Variants in DAPK1 observed in about 807,000 individuals in gnomAD.
The protein encoded by DAPK1 is death-associated protein kinase 1.
Under a neutral mutation model 144.9 loss-of-function variants are expected in DAPK1, and 56 were observed. That is an observed-to-expected ratio of 0.39 (90% CI 0.31 to 0.48). The LOEUF (loss-of-function observed/expected upper bound fraction) is 0.48, where lower values mean the gene tolerates loss of function less well. Ranked by LOEUF, DAPK1 falls within the 20% of genes least tolerant of loss-of-function variation. The pLI, the probability that DAPK1 is intolerant of heterozygous loss-of-function variation, is 0.95. For missense variants in DAPK1, 1,454 were observed against 1,875.4 expected, an observed-to-expected ratio of 0.78 and a Z score of 4.15; for synonymous variants, 690 against 749.0, an observed-to-expected ratio of 0.92 and a Z score of 1.29.
intron 18 of DAPK1, chr9:87,667,967 A>G (rs1831116774): frequency 6.5e-6 from 1 of 153,116 alleles, no homozygotes; most frequent in Non-Finnish European, 1.5e-5. Context: ...GTGTATGTTC[A>G]TGGTGTAGAT....
At chr9:87,673,254 C>T (rs916013003) in intron 19 of DAPK1, among the ~76,000 whole-genome samples, 29 of 152,300 alleles carry the variant, frequency 1.9e-4, no homozygotes, top group African/African-American at 6.3e-4. Context: ...TGATCCAAAG[C>T]GCTGTCCTGG....
intron 2 of DAPK1, among the ~76,000 whole-genome samples, chr9:87,544,507 T>C (rs1465622369): frequency 6.6e-6 from 1 of 152,248 alleles, no homozygotes; most frequent in Non-Finnish European, 1.5e-5. Flanking sequence ...CTTGTGTACA[T>C]TAATGTATGT....
chr9:87,640,952 G>T, intron 9 of DAPK1, 105 bp downstream of exon 9: 5 of 1,097,500 alleles, frequency 4.6e-6, no homozygotes, highest in Non-Finnish European at 7.0e-6. Flanking sequence ...GGTCACACCT[G>T]GAGTGTTAAG....
intron 20 of DAPK1, 101 bp downstream of exon 20, chr9:87,681,727 T>A: frequency 1.4e-6 from 1 of 724,052 alleles, no homozygotes; most frequent in Non-Finnish European, 2.5e-6. Flanking sequence ...TTGGGTCACT[T>A]GGCCTATACT....
At chr9:87,540,881 C>T (rs372202764) in intron 2 of DAPK1, among the ~76,000 whole-genome samples, 3 of 152,268 alleles carry the variant, frequency 2.0e-5, no homozygotes, top group African/African-American at 7.2e-5. Context: ...CCAACTCACA[C>T]CAAACTGTTT....
intron 20 of DAPK1, among the ~76,000 whole-genome samples, chr9:87,684,605 A>T (rs1423284781): frequency 6.6e-6 from 1 of 151,564 alleles, no homozygotes; most frequent in Non-Finnish European, 1.5e-5. Context: ...GGGGACACTG[A>T]GGGTTGTGGC....
chr9:87,539,774 G>T (rs192288351), intron 2 of DAPK1, among the ~76,000 whole-genome samples: 132 of 152,152 alleles, frequency 8.7e-4, no homozygotes, highest in African/African-American at 3.0e-3. Context: ...CATACCATCC[G>T]AGAGTAGAAG....
chr9:87,562,140 G>A (rs987677992), intron 2 of DAPK1, among the ~76,000 whole-genome samples: 1 of 152,212 alleles, frequency 6.6e-6, no homozygotes, highest in African/African-American at 2.4e-5. Flanking sequence ...CTGCAGTTCT[G>A]TATCTACCTG....
chr9:87,546,181 G>C (rs970586273), intron 2 of DAPK1, among the ~76,000 whole-genome samples: 1 of 152,134 alleles, frequency 6.6e-6, no homozygotes, highest in African/African-American at 2.4e-5. Context: ...GAAGCTTACA[G>C]ATCTGGGAGA....
rs377592455 is a variant in DAPK1 at position 87,707,310 on chromosome 9, G to C, written c.4239G>C (p.Ser1413=). 1.2e-6 allele frequency: 2 copies of C among 1,612,522 alleles called. No homozygotes were observed. Among genetic ancestry groups the C allele is most frequent in the Admixed American group, 3.3e-5 (2 of 59,954 alleles). The change falls in exon 26 of 26, where the codon TCG becomes TCC. Residue 1413 remains serine, a synonymous_variant. Coordinates refer to ENST00000408954, the MANE Select transcript of DAPK1 (RefSeq NM_004938.4). The surrounding 1 kb of genome is among the most constrained non-coding windows in gnomAD (Gnocchi z 4.0). ...LDGNGQEAYA[S]SCNSGTSYNS... Reference sequence around the variant, plus strand: ...GCAATGGCCAGGAGGCCTATGCCTCGAGCTGCAACAGCGGCACCTCTTACA... The same window carrying C: ...GCAATGGCCAGGAGGCCTATGCCTCCAGCTGCAACAGCGGCACCTCTTACA...
intron 2 of DAPK1, among the ~76,000 whole-genome samples, chr9:87,596,323 T>C (rs1828315877): frequency 6.6e-6 from 1 of 152,240 alleles, no homozygotes; most frequent in Non-Finnish European, 1.5e-5. Context: ...CTGCATTTAC[T>C]GGATCATGTA....
At chr9:87,606,347 G>A (rs1828712650) in intron 3 of DAPK1, among the ~76,000 whole-genome samples, 1 of 152,160 alleles carries the variant, frequency 6.6e-6, no homozygotes, top group African/African-American at 2.4e-5. Flanking sequence ...ATAAAATGGG[G>A]TTAATAATAT....
At chr9:87,556,558 C>CAGA (rs1826723727) in intron 2 of DAPK1, among the ~76,000 whole-genome samples, 1 of 152,022 alleles carries the variant, frequency 6.6e-6, no homozygotes, top group East Asian at 1.9e-4. Context: ...AGGAGGAGTG[C>CAGA]GGGGGATTGG....
chr9:87,588,089 G>C (rs1449194387), intron 2 of DAPK1, among the ~76,000 whole-genome samples: 1 of 152,210 alleles, frequency 6.6e-6, no homozygotes, highest in Non-Finnish European at 1.5e-5. Context: ...AGATCACACA[G>C]CTAGTAAATG....
rs1825412604 is a variant in DAPK1, at chr9:87,700,199, C to T, written c.2833C>T (p.Arg945Ter). 3.1e-6 allele frequency: 5 copies of T among 1,608,256 alleles called. No individual in the cohort carries two copies. Among genetic ancestry groups the T allele is most frequent in the Non-Finnish European group, 4.3e-6 (5 of 1,174,658 alleles). The change falls in exon 24 of 26, where the codon CGA becomes TGA. Residue 945 changes from arginine to a stop codon, truncating the protein, a stop_gained. Transcript: ENST00000408954. LOFTEE classifies it high-confidence loss of function. Reference protein sequence around the residue: ...ASGSKDMKVLRNHLQEIRSQI... With the variant: ...ASGSKDMKVL ...TGGGTCAAAGGACATGAAGGTACTT[C>T]GAAATCATCTGCAAGAAATACGAAG...
chr9:87,700,582 T>C (rs1259401029), intron 24 of DAPK1, among the ~76,000 whole-genome samples: 1 of 152,188 alleles, frequency 6.6e-6, no homozygotes, highest in Non-Finnish European at 1.5e-5. Flanking sequence ...CACCGTAACC[T>C]TGAACTCCAG....
At chr9:87,664,065 T>G (rs1830964362) in intron 18 of DAPK1, among the ~76,000 whole-genome samples, 1 of 152,038 alleles carries the variant, frequency 6.6e-6, no homozygotes, top group Non-Finnish European at 1.5e-5. Flanking sequence ...TCCTGCCCCT[T>G]GGGACCAGTC....
chr9:87,581,928 C>T (rs1000047119), intron 2 of DAPK1, among the ~76,000 whole-genome samples: 1 of 152,192 alleles, frequency 6.6e-6, no homozygotes, highest in East Asian at 1.9e-4. Flanking sequence ...TGTAGTAAGA[C>T]ATTTTAACTG....
chr9:87,621,923 C>T (rs191535163), intron 3 of DAPK1, among the ~76,000 whole-genome samples: 223 of 152,176 alleles, frequency 1.5e-3, no homozygotes, highest in African/African-American at 5.1e-3. Context: ...CTCGGTAGAG[C>T]CTCGGCAACA....
Sources: allele counts gnomAD v4.1 joint callset (sites outside exome capture counted in the v4.1 genomes callset), GRCh38; gene constraint gnomAD v4.1.1; non-coding constraint Gnocchi (gnomAD v3.1); transcripts MANE v1.5; gene names NCBI Gene and HGNC (gene_info 2026-07-23, HGNC 2026-07-21).